SSBP2: variants seen among roughly 807,000 people sequenced by gnomAD.
SSBP2 encodes single-stranded DNA-binding protein 2.
Under a neutral mutation model 61.8 loss-of-function variants are expected in SSBP2, and 17 were observed. The observed-to-expected ratio is 0.28, with a 90% CI of 0.19 to 0.41. The LOEUF (loss-of-function observed/expected upper bound fraction) is 0.41, where lower values mean the gene tolerates loss of function less well. Among genes scored for constraint, SSBP2 ranks in the 10% least tolerant of loss-of-function variants. SSBP2 has a pLI of 1.00. For synonymous variants in SSBP2, 139 were observed against 141.3 expected (o/e 0.98, Z 0.12); for missense variants, 310 against 458.7 (o/e 0.68, Z 2.96).
At chr5:81,706,460 A>G (rs769496675) in intron 1 of SSBP2, among the ~76,000 whole-genome samples, 1 of 152,158 alleles carries the variant, frequency 6.6e-6, no homozygotes, top group Non-Finnish European at 1.5e-5. Context: ...AAATCTGTAC[A>G]TGTACCCTCA....
At chr5:81,443,959 A>T (rs1763205846) in intron 12 of SSBP2, among the ~76,000 whole-genome samples, 1 of 152,222 alleles carries the variant, frequency 6.6e-6, no homozygotes, top group African/African-American at 2.4e-5. Context: ...GTAACCATAG[A>T]GTGGCAATTA....
chr5:81,597,841 C>T, intron 4 of SSBP2, among the ~76,000 whole-genome samples: 1 of 122,024 alleles, frequency 8.2e-6, no homozygotes. Flanking sequence ...GGGAACATCA[C>T]AAACCAGGGA....
At chr5:81,495,762 T>G (rs546578288) in intron 5 of SSBP2, among the ~76,000 whole-genome samples, 1 of 152,228 alleles carries the variant, frequency 6.6e-6, no homozygotes, top group Non-Finnish European at 1.5e-5. Flanking sequence ...TCTCATTATA[T>G]CTTACCTTAT....
At chr5:81,743,908 C>T (rs1436113569) in intron 1 of SSBP2, among the ~76,000 whole-genome samples, 1 of 152,172 alleles carries the variant, frequency 6.6e-6, no homozygotes, top group East Asian at 1.9e-4. Flanking sequence ...GTTCTTGACT[C>T]AATGAATGAA....
intron 16 of SSBP2, among the ~76,000 whole-genome samples, chr5:81,425,496 T>C (rs1336897240): frequency 6.6e-6 from 1 of 152,246 alleles, no homozygotes; most frequent in Non-Finnish European, 1.5e-5. Flanking sequence ...TATTTTAATA[T>C]CATGTTTACT....
At chr5:81,432,985 G>T (rs1182626330) in intron 15 of SSBP2, among the ~76,000 whole-genome samples, 6 of 150,288 alleles carry the variant, frequency 4.0e-5, no homozygotes, top group Non-Finnish European at 5.9e-5. Flanking sequence ...AGGGAGGTGG[G>T]GGGGGTCAGA....
intron 1 of SSBP2, among the ~76,000 whole-genome samples, chr5:81,680,607 A>G (rs577879853): frequency 7.9e-5 from 12 of 152,252 alleles, no homozygotes; most frequent in African/African-American, 2.4e-4. Context: ...AAAGAAAGCC[A>G]GAGTAGCTAT....
At chr5:81,550,855 G>A (rs913673048) in intron 4 of SSBP2, among the ~76,000 whole-genome samples, 1 of 152,144 alleles carries the variant, frequency 6.6e-6, no homozygotes, top group East Asian at 1.9e-4. Context: ...CCAGCACTTC[G>A]GGAGGCCGAG....
At chr5:81,744,285 T>C (rs1757215504) in intron 1 of SSBP2, among the ~76,000 whole-genome samples, 1 of 152,196 alleles carries the variant, frequency 6.6e-6, no homozygotes, top group Non-Finnish European at 1.5e-5. Context: ...AAAAGAATAA[T>C]TTATTTACTT....
intron 1 of SSBP2, among the ~76,000 whole-genome samples, chr5:81,738,741 A>G (rs422523): frequency 0.35 from 53,380 of 152,088 alleles, 11,535 homozygotes; most frequent in Admixed American, 0.48. Flanking sequence ...TGATGACGCT[A>G]TAAGCATTTG....
At chr5:81,541,649 T>A (rs903682042) in intron 4 of SSBP2, among the ~76,000 whole-genome samples, 1 of 152,034 alleles carries the variant, frequency 6.6e-6, no homozygotes, top group Non-Finnish European at 1.5e-5. Flanking sequence ...TTTGACAAAG[T>A]AGACAAAAAT....
At position 81,428,669 on chromosome 5, in the gene SSBP2, A is replaced by G. The variant is rs768613434; in HGVS notation, c.972T>C (p.Asn324=). Residue 324 remains asparagine (N), a synonymous_variant, in exon 16 of 17, where the codon AAT becomes AAC. Coordinates refer to ENST00000320672, the MANE Select transcript of SSBP2 (RefSeq NM_012446.5). ...TGCCCGGTTGATTACTCAGGCTCATATTATTGGGAGAATTCTGTAAACAAG... is the reference window on the plus strand; with the variant it reads ...TGCCCGGTTGATTACTCAGGCTCATGTTATTGGGAGAATTCTGTAAACAAG... 1.2e-6 allele frequency: 2 copies of G among 1,612,668 alleles called. No individual in the cohort carries two copies. The highest frequency in any genetic ancestry group is 1.7e-6 in the Non-Finnish European group (2 of 1,179,040).
At chr5:81,628,376 T>C (rs552579540) in intron 3 of SSBP2, among the ~76,000 whole-genome samples, 1 of 152,286 alleles carries the variant, frequency 6.6e-6, no homozygotes, top group African/African-American at 2.4e-5. Context: ...GTGGGGATTA[T>C]GGGAACTACA....
At position 81,610,247 on chromosome 5, in the gene SSBP2, T is replaced by C. The variant is rs185733777; in HGVS notation, c.282+5226A>G. Among the ~76,000 whole-genome samples the C allele has an allele frequency of 2.1e-3, 314 of 152,228 alleles. 2 individuals are homozygous for C. The highest frequency in any genetic ancestry group is 7.3e-3 in the African/African-American group (304 of 41,538). On this transcript the variant is annotated intron_variant, in intron 4 of 16. Transcript: ENST00000320672. The stretch of plus-strand genomic sequence containing the variant: ...AGCCAGAGGTCCCCAGCTTGCAAAG[T>C]GACTGAGAAAAATCCTGTGTCAGAA...
intron 2 of SSBP2, among the ~76,000 whole-genome samples, chr5:81,646,755 G>T (rs921087628): frequency 7.9e-6 from 1 of 127,104 alleles, no homozygotes; most frequent in Non-Finnish European, 1.6e-5. Flanking sequence ...CAAAGATAAA[G>T]TCCAACTTCC....
intron 4 of SSBP2, among the ~76,000 whole-genome samples, chr5:81,579,821 A>G (rs1774510157): frequency 1.3e-5 from 2 of 152,278 alleles, no homozygotes. Flanking sequence ...CCAGCTGCCA[A>G]TGACAGTTTT....
chr5:81,558,994 G>A (rs780371335), intron 4 of SSBP2, among the ~76,000 whole-genome samples: 3 of 152,214 alleles, frequency 2.0e-5, no homozygotes, highest in East Asian at 1.9e-4. Flanking sequence ...AGTGGCTCAC[G>A]CCTGTAATCC....
chr5:81,680,315 ATTATG>A (rs1362926217), intron 1 of SSBP2, among the ~76,000 whole-genome samples: 1 of 148,170 alleles, frequency 6.7e-6, no homozygotes, highest in East Asian at 1.9e-4. Flanking sequence ...ATAATATATA[ATTATG>A]TTATAATATA....
chr5:81,544,324 G>A (rs914374461), intron 4 of SSBP2, among the ~76,000 whole-genome samples: 10 of 152,128 alleles, frequency 6.6e-5, no homozygotes, highest in Non-Finnish European at 1.5e-4. Context: ...TTGGATTACA[G>A]ACCTAAGCCA....
Sources: allele counts gnomAD v4.1 joint callset (sites outside exome capture counted in the v4.1 genomes callset), GRCh38; gene constraint gnomAD v4.1.1; transcripts MANE v1.5; gene names NCBI Gene and HGNC (gene_info 2026-07-23, HGNC 2026-07-21).